FMN1: variants seen among roughly 807,000 people sequenced by gnomAD.
FMN1 encodes formin-1.
A neutral mutation model predicts 132.4 loss-of-function variants in FMN1; 110 were observed. The ratio of observed to expected loss-of-function variants is 0.83; its 90% CI spans 0.71 to 0.97. The LOEUF (loss-of-function observed/expected upper bound fraction) is 0.97. Ranked by LOEUF, FMN1 falls within the 50% of genes least tolerant of loss-of-function variation. The probability of loss-of-function intolerance (pLI) is 0.00; values close to 1 mark genes in which losing one functional copy is unlikely to be tolerated. For synonymous variants in FMN1, 722 were observed against 651.7 expected (o/e 1.11, Z -1.64); for missense variants, 1,792 against 1,705.3 (o/e 1.05, Z -0.90).
At chr15:33,169,071 A>G (rs148236407) in intron 3 of FMN1, among the ~76,000 whole-genome samples, 2,134 of 152,322 alleles carry the variant, frequency 0.014, 49 homozygotes, top group African/African-American at 0.049. Context: ...TAGTTCTTTC[A>G]CACCATTTAC....
intron 9 of FMN1, among the ~76,000 whole-genome samples, chr15:32,930,838 G>A (rs1281353783): frequency 6.6e-6 from 1 of 152,050 alleles, no homozygotes; most frequent in South Asian, 2.1e-4. Context: ...TCACATTTAA[G>A]TTTCTAATCT....
intron 7 of FMN1, 118 bp downstream of exon 7, chr15:33,007,896 G>C: frequency 2.6e-6 from 2 of 762,594 alleles, no homozygotes; most frequent in East Asian, 2.7e-5. Flanking sequence ...ACTGGCAGCT[G>C]CAAGATGCGA....
chr15:32,812,530 C>T (rs1405816659), intron 17 of FMN1, among the ~76,000 whole-genome samples: 1 of 152,162 alleles, frequency 6.6e-6, no homozygotes, highest in Non-Finnish European at 1.5e-5. Context: ...TTTTATTCTT[C>T]CCTCAAGGAC....
intron 7 of FMN1, among the ~76,000 whole-genome samples, chr15:33,003,856 A>C (rs959497304): frequency 7.2e-5 from 11 of 152,226 alleles, no homozygotes; most frequent in Non-Finnish European, 1.3e-4. Context: ...ATATAGATCA[A>C]TGGAACAGAA....
intron 4 of FMN1, among the ~76,000 whole-genome samples, chr15:33,139,523 G>A (rs1963919900): frequency 6.6e-6 from 1 of 152,208 alleles, no homozygotes; most frequent in Admixed American, 6.5e-5. Flanking sequence ...TCCGGGAGGT[G>A]GAGGTTGCAG....
intron 15 of FMN1, among the ~76,000 whole-genome samples, chr15:32,894,332 A>T (rs1477808974): frequency 6.6e-6 from 1 of 151,996 alleles, no homozygotes; most frequent in Non-Finnish European, 1.5e-5. Flanking sequence ...TAAAAATACA[A>T]AAAAAATTAG....
intron 7 of FMN1, among the ~76,000 whole-genome samples, chr15:32,993,980 G>C (rs1348966990): frequency 3.3e-5 from 5 of 151,980 alleles, no homozygotes; most frequent in Non-Finnish European, 7.4e-5. Context: ...TTAGTCAGTA[G>C]ATTCTAACTG....
At chr15:32,874,349 G>A (rs1446624172) in intron 16 of FMN1, among the ~76,000 whole-genome samples, 2 of 152,050 alleles carry the variant, frequency 1.3e-5, no homozygotes, top group African/African-American at 4.8e-5. Flanking sequence ...CGAATATCAA[G>A]CCCAGCTTAA....
At chr15:33,141,675 A>G (rs1385308762) in intron 4 of FMN1, among the ~76,000 whole-genome samples, 1 of 152,114 alleles carries the variant, frequency 6.6e-6, no homozygotes, top group African/African-American at 2.4e-5. Context: ...GAGCTTCCGT[A>G]CTCTCACACA....
intron 19 of FMN1, among the ~76,000 whole-genome samples, chr15:32,780,099 A>G (rs1277732037): frequency 1.3e-5 from 2 of 152,222 alleles, no homozygotes; most frequent in East Asian, 3.8e-4. Flanking sequence ...ACATGACAGT[A>G]ATAGTGCATG....
At chr15:32,886,656 A>C (rs572650960) in intron 16 of FMN1, among the ~76,000 whole-genome samples, 59 of 152,276 alleles carry the variant, frequency 3.9e-4, no homozygotes, top group African/African-American at 1.4e-3. Flanking sequence ...CTCAAAGACT[A>C]TAGGAGAGGT....
intron 6 of FMN1, among the ~76,000 whole-genome samples, chr15:33,050,222 C>G (rs1413789533): frequency 1.3e-5 from 2 of 152,016 alleles, no homozygotes; most frequent in Non-Finnish European, 2.9e-5. Flanking sequence ...AGAACATAAC[C>G]CTATTGTAAG....
intron 4 of FMN1, among the ~76,000 whole-genome samples, chr15:33,138,650 T>C (rs1160181565): frequency 6.6e-6 from 1 of 152,146 alleles, no homozygotes; most frequent in Non-Finnish European, 1.5e-5. Context: ...TACACAGCTT[T>C]GAAACAAAGC....
chr15:32,950,046 T>TAC (rs1187208236), intron 9 of FMN1, among the ~76,000 whole-genome samples: 1 of 7,142 alleles, frequency 1.4e-4, no homozygotes, highest in Non-Finnish European at 3.7e-4. Context: ...CATATATATA[T>TAC]ATATACACAT....
chr15:33,194,141 A>G (rs1012912493), intron 1 of FMN1, 81 bp from the exon 2 acceptor site: 13 of 147,710 alleles, frequency 8.8e-5, no homozygotes, highest in African/African-American at 2.5e-4. Flanking sequence ...TCTGTTCCCA[A>G]TGCAATCCCA....
rs2038586761 is a variant in FMN1 at position 33,083,895 on chromosome 15, T to A, written c.2043+4904A>T. ...TGGCTACAAAAGTGACCTCTGGTCA[T>A]CCTCACGGCTCATTACATGCTAATT... On this transcript the variant is annotated intron_variant, in intron 5 of 20. Transcript: ENST00000616417. Among the ~76,000 whole-genome samples, 4 of 152,080 alleles carry A rather than the reference T, an allele frequency of 2.6e-5. No homozygotes were observed. In the South Asian group the frequency reaches 8.3e-4, roughly 31 times the overall value.
At chr15:33,082,515 T>C (rs532030051) in intron 5 of FMN1, among the ~76,000 whole-genome samples, 1 of 152,188 alleles carries the variant, frequency 6.6e-6, no homozygotes, top group South Asian at 2.1e-4. Flanking sequence ...CATTACAAAC[T>C]ATTCTCCATG....
intron 5 of FMN1, among the ~76,000 whole-genome samples, chr15:33,075,237 G>A (rs528746699): frequency 1.3e-5 from 2 of 152,046 alleles, no homozygotes; most frequent in South Asian, 2.1e-4. Flanking sequence ...ATAACCTGCA[G>A]TAAGTAGGAT....
intron 7 of FMN1, among the ~76,000 whole-genome samples, chr15:32,992,647 G>T (rs542249068): frequency 4.6e-5 from 7 of 152,146 alleles, no homozygotes; most frequent in African/African-American, 7.2e-5. Context: ...TAACTTAGAT[G>T]TTTAATTCAC....
Sources: allele counts gnomAD v4.1 joint callset (sites outside exome capture counted in the v4.1 genomes callset), GRCh38; gene constraint gnomAD v4.1.1; transcripts MANE v1.5; gene names NCBI Gene and HGNC (gene_info 2026-07-23, HGNC 2026-07-21).